Variants in SVIL observed in about 807,000 individuals in gnomAD.
SVIL encodes the protein supervillin, also known as archvillin.
A neutral mutation model predicts 240.4 loss-of-function variants in SVIL; 101 were observed. That is an observed-to-expected ratio of 0.42 (90% CI 0.36 to 0.50). The LOEUF is 0.50. Among genes scored for constraint, SVIL ranks in the 20% least tolerant of loss-of-function variants. The pLI, the probability that SVIL is intolerant of heterozygous loss-of-function variation, is 0.01. For synonymous variants in SVIL, 999 were observed against 1,100.0 expected (o/e 0.91, Z 1.82); for missense variants, 2,512 against 2,818.7 (o/e 0.89, Z 2.46).
chr10:29,501,077 C>G (rs980883856), intron 17 of SVIL, among the ~76,000 whole-genome samples: 1 of 152,024 alleles, frequency 6.6e-6, no homozygotes, highest in African/African-American at 2.4e-5. Context: ...CAGGATTCTT[C>G]TATAAAGCCT....
intron 6 of SVIL, among the ~76,000 whole-genome samples, chr10:29,539,339 T>TA (rs1279191955): frequency 6.6e-6 from 1 of 152,166 alleles, no homozygotes; most frequent in Non-Finnish European, 1.5e-5. Context: ...ACATAATACT[T>TA]ATGGAGACCC....
At chr10:29,586,578 C>T (rs1956175058) in intron 1 of SVIL, among the ~76,000 whole-genome samples, 1 of 152,116 alleles carries the variant, frequency 6.6e-6, no homozygotes, top group Non-Finnish European at 1.5e-5. Flanking sequence ...ATATTTCCTC[C>T]CTACTATACA....
At chr10:29,628,682 A>G (rs1477284023) in intron 1 of SVIL, among the ~76,000 whole-genome samples, 1 of 152,222 alleles carries the variant, frequency 6.6e-6, no homozygotes, top group Non-Finnish European at 1.5e-5. Flanking sequence ...CACACAGCTA[A>G]TTGGGAGTTA....
intron 1 of SVIL, among the ~76,000 whole-genome samples, chr10:29,720,806 A>G (rs1418872859): frequency 6.6e-6 from 1 of 152,228 alleles, no homozygotes; most frequent in East Asian, 1.9e-4. Flanking sequence ...AATATCACTT[A>G]AAGGTAGACT....
At chr10:29,725,028 CAAAAAAA>C (rs1187861054) in intron 1 of SVIL, among the ~76,000 whole-genome samples, 6 of 40,924 alleles carry the variant, frequency 1.5e-4, no homozygotes, top group Admixed American at 3.4e-4. Context: ...GACCCGGTCT[CAAAAAAA>C]AAAAAAAAAA....
Position 29,462,308 on chromosome 10 carries a change from T to A in SVIL, c.6371A>T (p.His2124Leu). ...TGTGATCTCAGCGATGTCCTCTCTG[T>A]GCTCCCAGCTGGGAAACATATTGGT... ...TFTNMFPSWE[H>L]REDIAEITEM... Residue 2124 changes from histidine (H) to leucine (L), a missense_variant, in exon 36 of 38, where the codon CAC becomes CTC. His to Leu is a moderately conservative substitution (Grantham distance 99, BLOSUM62 -3). Transcript: ENST00000355867. 6.2e-7 allele frequency: 1 copy of A among 1,614,168 alleles called. No homozygotes were observed. Among genetic ancestry groups the A allele is most frequent in the Non-Finnish European group, 8.5e-7 (1 of 1,180,016 alleles).
At chr10:29,541,983 G>A (rs1251561867) in intron 6 of SVIL, among the ~76,000 whole-genome samples, 2 of 152,200 alleles carry the variant, frequency 1.3e-5, no homozygotes, top group Non-Finnish European at 2.9e-5. Flanking sequence ...CTCACAGTGC[G>A]TTCCACTGAT....
intron 20 of SVIL, among the ~76,000 whole-genome samples, chr10:29,493,620 A>T (rs1393746561): frequency 1.3e-5 from 2 of 152,066 alleles, no homozygotes; most frequent in Non-Finnish European, 2.9e-5. Context: ...GAGGCTGACC[A>T]TACTGCACAC....
chr10:29,534,034 A>G (rs1446633947), intron 7 of SVIL, among the ~76,000 whole-genome samples: 1 of 152,240 alleles, frequency 6.6e-6, no homozygotes, highest in Non-Finnish European at 1.5e-5. Flanking sequence ...TTTTTCATGC[A>G]ATGCAGAGTA....
chr10:29,607,263 G>C lies in SVIL; in HGVS notation c.-201+27157C>G, dbSNP rs563170341. 2.7e-4 allele frequency among the ~76,000 whole-genome samples: 41 copies of C among 152,254 alleles called. 1 individual carries two copies. In the South Asian group the frequency reaches 7.9e-3, roughly 29 times the overall value. ...TTCTGGCTTTCTAATATGTTCTGCT[G>C]TCTTGTTTATTCACTTGCCAGTACC... On this transcript the variant is annotated intron_variant, in intron 1 of 37. Coordinates refer to ENST00000355867, the MANE Select transcript of SVIL (RefSeq NM_021738.3).
At chr10:29,702,410 C>T (rs997251108) in intron 1 of SVIL, among the ~76,000 whole-genome samples, 9 of 152,106 alleles carry the variant, frequency 5.9e-5, no homozygotes, top group African/African-American at 1.2e-4. Flanking sequence ...CTGACCTCCC[C>T]GCTGGGTTCT....
At chr10:29,712,504 A>G (rs7898486) in intron 1 of SVIL, among the ~76,000 whole-genome samples, 88,093 of 152,002 alleles carry the variant, frequency 0.58, 26,471 homozygotes, top group African/African-American at 0.74. Context: ...CTTTCAGTAT[A>G]TGTGGAAGCA....
chr10:29,730,039 G>A lies in SVIL; in HGVS notation c.-400+5712C>T, dbSNP rs553997271. ...ATAATTTTTTTTAAATTAGCTGGGC[G>A]TGGTGGTGCACACCTGTAGTCCCAG... On this transcript the variant is annotated intron_variant, in intron 1 of 35. Coordinates refer to the SVIL transcript ENST00000375400. Among the ~76,000 whole-genome samples, 153 of 151,566 alleles carry A rather than the reference G, an allele frequency of 1.0e-3. 1 individual carries two copies. In the South Asian group the frequency reaches 0.025, roughly 25 times the overall value.
intron 15 of SVIL, 27 bp from the exon 16 acceptor site, chr10:29,522,662 A>T: frequency 6.2e-7 from 1 of 1,606,428 alleles, no homozygotes; most frequent in South Asian, 1.1e-5. Context: ...CAACATCAGC[A>T]CTGAACTCCT....
intron 1 of SVIL, among the ~76,000 whole-genome samples, chr10:29,693,228 G>A (rs757114352): frequency 2.7e-5 from 4 of 147,608 alleles, no homozygotes; most frequent in Admixed American, 7.0e-5. Flanking sequence ...GACAAGTCAG[G>A]ATTCAAACCA....
At chr10:29,655,370 C>T (rs924543375) in intron 3 of SVIL, among the ~76,000 whole-genome samples, 1 of 152,060 alleles carries the variant, frequency 6.6e-6, no homozygotes, top group African/African-American at 2.4e-5. Context: ...GCCGAAGAAC[C>T]TGGAATTTGA....
At chr10:29,595,689 G>A (rs560213138) in intron 1 of SVIL, among the ~76,000 whole-genome samples, 78 of 152,288 alleles carry the variant, frequency 5.1e-4, no homozygotes, top group African/African-American at 1.9e-3. Context: ...TAGCATCAGT[G>A]CCTCTCTTCT....
At chr10:29,493,460 G>A (rs1588970035) in intron 20 of SVIL, 69 bp from the exon 21 acceptor site, 2 of 1,541,664 alleles carry the variant, frequency 1.3e-6, no homozygotes, top group East Asian at 2.3e-5. Context: ...CTTCACAATA[G>A]TTTAAAAATT....
intron 7 of SVIL, among the ~76,000 whole-genome samples, chr10:29,534,988 G>T (rs538589235): frequency 6.6e-6 from 1 of 152,130 alleles, no homozygotes; most frequent in African/African-American, 2.4e-5. Context: ...GATTTCTTGC[G>T]GGGAGAGGAA....
Sources: gnomAD v4.1 joint callset for allele counts (sites outside exome capture counted in the v4.1 genomes callset) on GRCh38, gnomAD v4.1.1 for gene constraint, MANE v1.5 for transcripts, NCBI Gene and HGNC (gene_info 2026-07-23, HGNC 2026-07-21) for gene names.